The following SLC7A2 variants were observed in gnomAD, a reference collection of about 807,000 sequenced individuals.
SLC7A2 encodes the protein cationic amino acid transporter 2.
A neutral mutation model predicts 58.9 loss-of-function variants in SLC7A2; 48 were observed. That is an observed-to-expected ratio of 0.82 (90% CI 0.65 to 1.04). The LOEUF is 1.04. Among genes scored for constraint, SLC7A2 ranks in the 50% least tolerant of loss-of-function variants. The probability of loss-of-function intolerance (pLI) is 0.00; values close to 1 mark genes in which losing one functional copy is unlikely to be tolerated. For synonymous variants in SLC7A2, 363 were observed against 314.5 expected (o/e 1.15, Z -1.63); for missense variants, 1,029 against 818.8 (o/e 1.26, Z -3.13).
chr8:17,513,656 G>A lies in SLC7A2; in HGVS notation c.-23+11354G>A, dbSNP rs1260801158. On this transcript the variant is annotated intron_variant, in intron 2 of 12. Coordinates refer to ENST00000494857, the MANE Select transcript of SLC7A2 (RefSeq NM_001370338.1). Reference sequence around the variant, plus strand: ...TTGAACAAGTAGAATCTGCTGAGATGAGGCCTTAATTGATCATTTTTACAA... The same window carrying A: ...TTGAACAAGTAGAATCTGCTGAGATAAGGCCTTAATTGATCATTTTTACAA... 2.6e-5 allele frequency among the ~76,000 whole-genome samples: 4 copies of A among 152,298 alleles called. No homozygotes were observed. In the East Asian group the frequency reaches 7.7e-4, roughly 29 times the overall value.
intron 1 of SLC7A2, among the ~76,000 whole-genome samples, chr8:17,498,358 G>A (rs1232579109): frequency 2.0e-5 from 3 of 152,210 alleles, no homozygotes; most frequent in South Asian, 2.1e-4. Flanking sequence ...GTCTTTAAAA[G>A]TTAATAATTA....
chr8:17,525,754 G>A (rs1178449049), intron 2 of SLC7A2, among the ~76,000 whole-genome samples: 1 of 152,210 alleles, frequency 6.6e-6, no homozygotes, highest in Non-Finnish European at 1.5e-5. Flanking sequence ...CTGTTCTGTT[G>A]CTTGCAAACC....
chr8:17,538,333 T>C (rs998247645), intron 2 of SLC7A2, among the ~76,000 whole-genome samples: 1 of 152,208 alleles, frequency 6.6e-6, no homozygotes, highest in Non-Finnish European at 1.5e-5. Flanking sequence ...TTCAGAAGAC[T>C]TGATTTGGAG....
chr8:17,551,566 C>G (rs1400793527), intron 6 of SLC7A2, among the ~76,000 whole-genome samples, 198 bp from the exon 7 acceptor site: 2 of 151,978 alleles, frequency 1.3e-5, no homozygotes, highest in African/African-American at 4.8e-5. Context: ...CCACTGCACT[C>G]CAGCCTGGGC....
chr8:17,553,143 C>T (rs1204985895), intron 7 of SLC7A2, among the ~76,000 whole-genome samples: 1 of 152,110 alleles, frequency 6.6e-6, no homozygotes, highest in Admixed American at 6.5e-5. Context: ...GGCTCGAACT[C>T]CTGGGTTCAA....
intron 2 of SLC7A2, among the ~76,000 whole-genome samples, chr8:17,518,740 A>G (rs1326486914): frequency 1.3e-5 from 2 of 152,192 alleles, no homozygotes; most frequent in Admixed American, 6.5e-5. Flanking sequence ...AGAGTCAGAC[A>G]GACTTGATTT....
intron 2 of SLC7A2, among the ~76,000 whole-genome samples, chr8:17,506,734 A>G (rs1298660605): frequency 2.0e-5 from 3 of 150,578 alleles, no homozygotes; most frequent in Non-Finnish European, 4.4e-5. Context: ...AATAATAATT[A>G]CTAGAATGCA....
rs541062368 is a variant in SLC7A2, at chr8:17,531,577, A to G, written c.-22-11741A>G. Among the ~76,000 whole-genome samples the G allele has an allele frequency of 4.6e-5, 7 of 152,102 alleles. No homozygotes were observed. In the East Asian group the frequency reaches 1.4e-3, roughly 29 times the overall value. Reference sequence around the variant, plus strand: ...ATTTTAAAATTCCTATTGATCAATGATTCCAAAATAGTTTTTATATTTATG... The same window carrying G: ...ATTTTAAAATTCCTATTGATCAATGGTTCCAAAATAGTTTTTATATTTATG... On this transcript the variant is annotated intron_variant, in intron 2 of 12. Transcript: ENST00000494857.
chr8:17,557,009 G>A (rs1187494984), intron 8 of SLC7A2, among the ~76,000 whole-genome samples: 3 of 152,182 alleles, frequency 2.0e-5, no homozygotes, highest in African/African-American at 4.8e-5. Context: ...GCCCCGACGG[G>A]TAGTCGTGGC....
upstream of SLC7A2, among the ~76,000 whole-genome samples, chr8:17,496,626 T>C (rs529328476): frequency 6.6e-6 from 1 of 152,354 alleles, no homozygotes; most frequent in South Asian, 2.1e-4. Context: ...CAACGTTTAG[T>C]TTGCATTTGA....
At position 17,543,765 on chromosome 8, in the gene SLC7A2, C is replaced by A. The variant is rs754446013; in HGVS notation, c.376+50C>A. The A allele has an allele frequency of 2.2e-5, 33 of 1,481,652 alleles. No homozygotes were observed. In the African/African-American group the frequency reaches 4.4e-4, roughly 20 times the overall value. 91.8% of individuals were successfully genotyped at this position (1,481,652 alleles called of 1,614,324 possible). On this transcript the variant is annotated intron_variant, in intron 3 of 12. Transcript: ENST00000494857. Reference sequence around the variant, plus strand: ...TTGTGTGGAATGGAAGAAATCGCAGCCCTGAGTCACAGCCCTTAGGTTCAG... The same window carrying A: ...TTGTGTGGAATGGAAGAAATCGCAGACCTGAGTCACAGCCCTTAGGTTCAG...
intron 2 of SLC7A2, among the ~76,000 whole-genome samples, chr8:17,542,617 C>T (rs1157743229): frequency 6.6e-6 from 1 of 150,448 alleles, no homozygotes; most frequent in East Asian, 1.9e-4. Context: ...CGCCACTGTG[C>T]TGCAGCCTGG....
In SLC7A2 at chr8:17,548,808, T is replaced by C; in HGVS notation, c.663T>C (p.Ser221=). 6.2e-7 allele frequency: 1 copy of C among 1,612,442 alleles called. No homozygotes were observed. Among genetic ancestry groups the C allele is most frequent in the Non-Finnish European group, 8.5e-7 (1 of 1,179,632 alleles). The change falls in exon 5 of 13, where the codon AGT becomes AGC. Residue 221 remains serine (S), a synonymous_variant. Coordinates refer to ENST00000494857, the MANE Select transcript of SLC7A2 (RefSeq NM_001370338.1). Reference sequence around the variant, plus strand: ...GAAATGTGGCAAACTGGAAGATTAGTGAAGAGTTTCTCAAAAATATATCAG... The same window carrying C: ...GAAATGTGGCAAACTGGAAGATTAGCGAAGAGTTTCTCAAAAATATATCAG... ...VKGNVANWKI[S]EEFLKNISAS...
At chr8:17,550,488 G>C in intron 6 of SLC7A2, 54 bp downstream of exon 6, 1 of 1,546,502 alleles carries the variant, frequency 6.5e-7, no homozygotes, top group Non-Finnish European at 8.8e-7. Flanking sequence ...TTGTGCACGA[G>C]TACCCGTGTG....
upstream of SLC7A2, among the ~76,000 whole-genome samples, chr8:17,496,272 C>A (rs556782592): frequency 6.6e-6 from 1 of 152,128 alleles, no homozygotes; most frequent in Non-Finnish European, 1.5e-5. Context: ...CAGTGAGCCA[C>A]GATTGTGTCA....
chr8:17,562,781 G>A (rs1803081435), intron 11 of SLC7A2, among the ~76,000 whole-genome samples: 2 of 152,188 alleles, frequency 1.3e-5, no homozygotes, highest in Non-Finnish European at 1.5e-5. Flanking sequence ...TATCAAAAAA[G>A]TAGGGTGAGT....
rs747554904 is a variant in SLC7A2 at position 17,548,790 on chromosome 8, G to A, written c.645G>A (p.Val215=). ...VMVAGFVKGN[V]ANWKISEEFL... is the part of the protein sequence containing the mutation. ...TTGCTGGGTTTGTGAAAGGAAATGT[G>A]GCAAACTGGAAGATTAGTGAAGAGT... is the stretch of plus-strand genomic sequence containing the variant. The change falls in exon 5 of 13, where the codon GTG becomes GTA. Residue 215 remains valine, a synonymous_variant. Coordinates refer to ENST00000494857, the MANE Select transcript of SLC7A2 (RefSeq NM_001370338.1). 3.1e-6 allele frequency: 5 copies of A among 1,613,822 alleles called. No homozygotes were observed. Among genetic ancestry groups the A allele is most frequent in the Non-Finnish European group, 4.2e-6 (5 of 1,179,922 alleles).
At chr8:17,558,764 TTACAA>T (rs1802826923) in intron 9 of SLC7A2, among the ~76,000 whole-genome samples, 1 of 152,146 alleles carries the variant, frequency 6.6e-6, no homozygotes, top group African/African-American at 2.4e-5. Flanking sequence ...AAAAGGTAAT[TTACAA>T]TAGTGAAAAA....
rs1307320132 is a variant in SLC7A2, at chr8:17,565,342, G to A, written c.*196G>A. ...GCACGGGGAAACCTCCTGAGTGGAA[G>A]TTTCATTCATCAGTGATGAATAGCC... On this transcript the variant is annotated 3_prime_UTR_variant, in exon 13 of 13. Transcript: ENST00000494857. 3 of 556,670 alleles carry A rather than the reference G, an allele frequency of 5.4e-6. No homozygotes were observed. Among genetic ancestry groups the A allele is most frequent in the Non-Finnish European group, 9.5e-6 (3 of 315,832 alleles). 34.5% of individuals were successfully genotyped at this position (556,670 alleles called of 1,614,324 possible).
Sources: allele counts gnomAD v4.1 joint callset (sites outside exome capture counted in the v4.1 genomes callset), GRCh38; gene constraint gnomAD v4.1.1; transcripts MANE v1.5; gene names NCBI Gene and HGNC (gene_info 2026-07-23, HGNC 2026-07-21).